GRM7: variants seen among roughly 807,000 people sequenced by gnomAD.
GRM7 encodes the protein glutamate metabotropic receptor 7.
A neutral mutation model predicts 84.5 loss-of-function variants in GRM7; 35 were observed. The observed-to-expected ratio is 0.41, with a 90% CI of 0.32 to 0.55. The LOEUF (loss-of-function observed/expected upper bound fraction) is 0.55, where lower values mean the gene tolerates loss of function less well. Ranked by LOEUF, GRM7 falls within the 20% of genes least tolerant of loss-of-function variation. The pLI is 0.19. For synonymous variants in GRM7, 487 were observed against 455.1 expected (o/e 1.07, Z -0.89); for missense variants, 1,003 against 1,194.6 (o/e 0.84, Z 2.36).
chr3:7,726,281 G>A (rs1702123321), intron 9 of GRM7, among the ~76,000 whole-genome samples: 1 of 151,898 alleles, frequency 6.6e-6, no homozygotes, highest in Non-Finnish European at 1.5e-5. Flanking sequence ...ATCCTAAAGA[G>A]ACCCTTGAAA....
At chr3:7,356,687 A>T (rs1438706344) in intron 4 of GRM7, among the ~76,000 whole-genome samples, 1 of 152,078 alleles carries the variant, frequency 6.6e-6, no homozygotes, top group Non-Finnish European at 1.5e-5. Context: ...CATCCATGTT[A>T]TCAGAGTCTT....
rs570897598 is a variant in GRM7 at position 6,890,316 on chromosome 3, G to A, written c.519+28409G>A. 1.4e-4 allele frequency among the ~76,000 whole-genome samples: 21 copies of A among 152,258 alleles called. No individual in the cohort carries two copies. In the South Asian group the frequency reaches 2.7e-3, roughly 20 times the overall value. ...TCTTGCTTTTCTAGTTCTTGTAATT[G>A]TGATGTTAGGGTGTCAATTTTGGAT... On this transcript the variant is annotated intron_variant, in intron 1 of 9. Transcript: ENST00000357716.
chr3:7,643,844 C>T (rs572201759), intron 8 of GRM7, among the ~76,000 whole-genome samples: 16 of 152,136 alleles, frequency 1.1e-4, no homozygotes, highest in African/African-American at 3.9e-4. Context: ...TCCATTTACC[C>T]ATTCACAGTA....
Position 6,968,086 on chromosome 3 carries a change from T to C in GRM7, c.519+106179T>C, listed in dbSNP as rs1012840306. The stretch of plus-strand genomic sequence containing the variant: ...TGGGCTTGAACAAAAACAAATGTAT[T>C]GTCTACAAATATCTGGAGGCCAGAA... On this transcript the variant is annotated intron_variant, in intron 1 of 9. Transcript: ENST00000357716. Among the ~76,000 whole-genome samples the C allele has an allele frequency of 2.6e-5, 4 of 152,320 alleles. No homozygotes were observed. In the South Asian group the frequency reaches 8.3e-4, roughly 32 times the overall value.
intron 4 of GRM7, among the ~76,000 whole-genome samples, chr3:7,379,942 A>G (rs943949927): frequency 2.6e-5 from 4 of 152,152 alleles, no homozygotes; most frequent in African/African-American, 7.2e-5. Context: ...TGGGTCTCCA[A>G]TTCTCCAAAC....
intron 8 of GRM7, among the ~76,000 whole-genome samples, chr3:7,595,706 G>A (rs1696007470): frequency 6.6e-6 from 1 of 151,994 alleles, no homozygotes; most frequent in Admixed American, 6.6e-5. Flanking sequence ...GGGGGTGGGG[G>A]TAGGGAAGAG....
intron 4 of GRM7, among the ~76,000 whole-genome samples, chr3:7,345,084 A>T (rs752553999): frequency 1.3e-5 from 2 of 152,084 alleles, no homozygotes; most frequent in African/African-American, 2.4e-5. Flanking sequence ...ATGTTTTTTA[A>T]AAAAAGGTAA....
intron 4 of GRM7, among the ~76,000 whole-genome samples, chr3:7,389,542 C>T (rs1381979085): frequency 6.6e-6 from 1 of 152,010 alleles, no homozygotes; most frequent in Non-Finnish European, 1.5e-5. Flanking sequence ...TCCAGGTGCT[C>T]CAATGTTGGA....
intron 5 of GRM7, among the ~76,000 whole-genome samples, chr3:7,422,182 G>T (rs1360434667): frequency 6.6e-6 from 1 of 152,116 alleles, no homozygotes. Flanking sequence ...TCCTCTCAAG[G>T]GCAGGTAGTA....
chr3:6,985,878 C>T (rs372678383), intron 1 of GRM7, among the ~76,000 whole-genome samples: 3 of 152,110 alleles, frequency 2.0e-5, no homozygotes, highest in Non-Finnish European at 2.9e-5. Flanking sequence ...AAGACCTTCC[C>T]GAGGATGTTT....
At chr3:7,705,041 C>G (rs1277761865) in intron 9 of GRM7, among the ~76,000 whole-genome samples, 3 of 152,092 alleles carry the variant, frequency 2.0e-5, no homozygotes, top group Non-Finnish European at 2.9e-5. Context: ...AGCAAGATTA[C>G]CCCCCAGGTC....
At chr3:7,565,876 A>C (rs186613887) in intron 7 of GRM7, among the ~76,000 whole-genome samples, 1 of 152,310 alleles carries the variant, frequency 6.6e-6, no homozygotes, top group East Asian at 1.9e-4. Context: ...TGCTCCTGGC[A>C]AGTCAGCCAG....
chr3:6,934,614 G>A (rs17693845), intron 1 of GRM7, among the ~76,000 whole-genome samples: 16,336 of 152,176 alleles, frequency 0.11, 951 homozygotes, highest in African/African-American at 0.14. Context: ...GACAGACCAT[G>A]CTAGTGGAGA....
chr3:6,874,124 G>T (rs1695221255), intron 1 of GRM7, among the ~76,000 whole-genome samples: 2 of 152,156 alleles, frequency 1.3e-5, no homozygotes, highest in African/African-American at 4.8e-5. Context: ...ATAATATTAG[G>T]ATGTACTGCA....
intron 2 of GRM7, among the ~76,000 whole-genome samples, chr3:7,250,482 T>C (rs1243650987): frequency 1.3e-5 from 2 of 151,384 alleles, no homozygotes; most frequent in African/African-American, 4.8e-5. Context: ...TATACACATA[T>C]ATATTTTTAT....
chr3:7,520,534 G>A (rs1242010781), intron 7 of GRM7, among the ~76,000 whole-genome samples: 1 of 151,350 alleles, frequency 6.6e-6, no homozygotes, highest in Admixed American at 6.6e-5. Context: ...CACCACCATG[G>A]GACTTTTAAT....
intron 1 of GRM7, among the ~76,000 whole-genome samples, chr3:7,141,843 A>G (rs1298158437): frequency 3.3e-5 from 5 of 152,240 alleles, no homozygotes; most frequent in Admixed American, 3.3e-4. Flanking sequence ...ATTAATTAAT[A>G]AATGGTGCTA....
At chr3:7,313,208 C>A (rs941659726) in intron 4 of GRM7, among the ~76,000 whole-genome samples, 2 of 152,188 alleles carry the variant, frequency 1.3e-5, no homozygotes, top group Admixed American at 6.5e-5. Context: ...GGATTACAGG[C>A]GTGACCCACT....
intron 1 of GRM7, among the ~76,000 whole-genome samples, chr3:6,927,463 G>GAGAGAAAGAAAGAA (rs1553595155): frequency 1.9e-3 from 180 of 93,286 alleles, no homozygotes; most frequent in Non-Finnish European, 2.7e-3. Flanking sequence ...GAAAGAGAGA[G>GAGAGAAAGAAAGAA]AGAAAGAAAG....
Sources: allele counts gnomAD v4.1 joint callset (sites outside exome capture counted in the v4.1 genomes callset), GRCh38; gene constraint gnomAD v4.1.1; transcripts MANE v1.5; gene names NCBI Gene and HGNC (gene_info 2026-07-23, HGNC 2026-07-21).